SLC39A11: variants seen among roughly 807,000 people sequenced by gnomAD.
SLC39A11 encodes zinc transporter ZIP11.
A neutral mutation model predicts 36.1 loss-of-function variants in SLC39A11; 33 were observed. That is an observed-to-expected ratio of 0.91 (90% CI 0.69 to 1.22). SLC39A11 has a LOEUF of 1.22. Ranked by LOEUF, SLC39A11 falls within the 50% of genes most tolerant of loss-of-function variation. The pLI is 0.00. For missense variants in SLC39A11, 432 were observed against 430.3 expected, an observed-to-expected ratio of 1.00 and a Z score of -0.03; for synonymous variants, 166 against 170.3, an observed-to-expected ratio of 0.97 and a Z score of 0.20.
intron 8 of SLC39A11, 90 bp downstream of exon 8, chr17:72,649,080 C>A: frequency 6.5e-7 from 1 of 1,536,648 alleles, no homozygotes; most frequent in South Asian, 1.2e-5. Flanking sequence ...CATATCTGAG[C>A]ATGGCAGTGC....
At chr17:72,978,476 C>T (rs151223910) in intron 4 of SLC39A11, among the ~76,000 whole-genome samples, 2 of 152,300 alleles carry the variant, frequency 1.3e-5, no homozygotes, top group African/African-American at 4.8e-5. Flanking sequence ...GAGAAAGCCA[C>T]GCACATTGTG....
chr17:72,911,444 C>T (rs566058988), intron 5 of SLC39A11, among the ~76,000 whole-genome samples: 1 of 152,064 alleles, frequency 6.6e-6, no homozygotes, highest in African/African-American at 2.4e-5. Flanking sequence ...TACACAAAAA[C>T]GTTCTCTTTT....
At chr17:72,912,669 C>T (rs1010017375) in intron 5 of SLC39A11, among the ~76,000 whole-genome samples, 5 of 152,010 alleles carry the variant, frequency 3.3e-5, no homozygotes, top group Admixed American at 2.6e-4. Context: ...CCTGAGGGTA[C>T]GGGGGTGAGG....
chr17:72,908,357 G>T (rs978423030), intron 5 of SLC39A11, among the ~76,000 whole-genome samples: 9 of 152,190 alleles, frequency 5.9e-5, no homozygotes, highest in African/African-American at 2.2e-4. Context: ...TTGGGGGTAG[G>T]TAAAGTCTTA....
At chr17:72,762,504 C>T (rs1476453723) in intron 6 of SLC39A11, among the ~76,000 whole-genome samples, 2 of 152,182 alleles carry the variant, frequency 1.3e-5, no homozygotes, top group Non-Finnish European at 1.5e-5. Context: ...ATAATCCACC[C>T]CTTGTTTAGC....
At chr17:72,759,801 GA>G (rs2075504397) in intron 6 of SLC39A11, among the ~76,000 whole-genome samples, 1 of 152,134 alleles carries the variant, frequency 6.6e-6, no homozygotes, top group Middle Eastern at 3.4e-3. Flanking sequence ...TAGTATTCAA[GA>G]AAAATATAAG....
intron 6 of SLC39A11, among the ~76,000 whole-genome samples, chr17:72,773,873 A>C (rs144662372): frequency 4.4e-4 from 67 of 152,332 alleles, no homozygotes; most frequent in African/African-American, 1.4e-3. Context: ...CTGAAGCGCG[A>C]AACACCAACC....
chr17:72,960,080 T>A (rs1175047102), intron 4 of SLC39A11, among the ~76,000 whole-genome samples: 3 of 152,216 alleles, frequency 2.0e-5, no homozygotes, highest in African/African-American at 7.2e-5. Context: ...TAAAGCCTAT[T>A]CATACTCAGC....
intron 6 of SLC39A11, among the ~76,000 whole-genome samples, chr17:72,817,398 C>A (rs897798345): frequency 1.3e-5 from 2 of 151,854 alleles, no homozygotes; most frequent in Non-Finnish European, 2.9e-5. Context: ...TTTTCAACAA[C>A]CAATTCTTGC....
chr17:72,788,467 C>T (rs75190394), intron 6 of SLC39A11, among the ~76,000 whole-genome samples: 2,104 of 151,826 alleles, frequency 0.014, 50 homozygotes, highest in African/African-American at 0.048. Context: ...TCAAGGAAGT[C>T]GACCAATGTC....
chr17:72,708,590 C>T (rs181234027), intron 7 of SLC39A11, among the ~76,000 whole-genome samples: 21 of 152,290 alleles, frequency 1.4e-4, no homozygotes, highest in Admixed American at 1.2e-3. Context: ...CTCCTAATAT[C>T]GGGGATGGTC....
chr17:72,686,450 C>G (rs2071754194), intron 7 of SLC39A11, among the ~76,000 whole-genome samples: 1 of 152,228 alleles, frequency 6.6e-6, no homozygotes, highest in Non-Finnish European at 1.5e-5. Context: ...CGTCTCCTTA[C>G]CCAGCATGGC....
At chr17:72,816,945 T>G (rs1170132085) in intron 6 of SLC39A11, among the ~76,000 whole-genome samples, 1 of 152,130 alleles carries the variant, frequency 6.6e-6, no homozygotes, top group African/African-American at 2.4e-5. Context: ...GTCTGGGAAA[T>G]AAAATAGCCA....
chr17:73,014,882 G>A (rs906521697), intron 4 of SLC39A11, among the ~76,000 whole-genome samples: 17 of 152,026 alleles, frequency 1.1e-4, no homozygotes, highest in African/African-American at 3.1e-4. Flanking sequence ...CCTGTTCAGA[G>A]CTCTCCCAAT....
chr17:72,782,575 G>T (rs557778284), intron 6 of SLC39A11, among the ~76,000 whole-genome samples: 1 of 151,242 alleles, frequency 6.6e-6, no homozygotes, highest in South Asian at 2.1e-4. Context: ...TATAATCCCG[G>T]TTACTTGGGA....
chr17:72,735,076 T>C (rs2143947220), intron 7 of SLC39A11, among the ~76,000 whole-genome samples: 1 of 152,320 alleles, frequency 6.6e-6, no homozygotes, highest in East Asian at 1.9e-4. Flanking sequence ...GCCCTCCTTG[T>C]CTACCATCTC....
At chr17:72,939,923 A>G (rs189215330) in intron 5 of SLC39A11, among the ~76,000 whole-genome samples, 68 of 152,342 alleles carry the variant, frequency 4.5e-4, no homozygotes, top group Middle Eastern at 3.4e-3. Context: ...CCAGTTGAGC[A>G]TCCCAAATCT....
At chr17:72,776,432 A>G (rs2076133359) in intron 6 of SLC39A11, among the ~76,000 whole-genome samples, 2 of 152,146 alleles carry the variant, frequency 1.3e-5, no homozygotes, top group African/African-American at 2.4e-5. Context: ...TTGACTTTAT[A>G]TTATTATACT....
chr17:72,950,670 A>G (rs2085795888), intron 4 of SLC39A11, among the ~76,000 whole-genome samples: 1 of 152,256 alleles, frequency 6.6e-6, no homozygotes, highest in African/African-American at 2.4e-5. Context: ...GGGAAGGAAT[A>G]AAAGGAGAAC....
Sources: gnomAD v4.1 joint callset for allele counts (sites outside exome capture counted in the v4.1 genomes callset) on GRCh38, gnomAD v4.1.1 for gene constraint, MANE v1.5 for transcripts, NCBI Gene and HGNC (gene_info 2026-07-23, HGNC 2026-07-21) for gene names.